ZNF568: variants seen among roughly 807,000 people sequenced by gnomAD.
ZNF568 encodes p53 inhibitor of SCO2 activation.
ZNF568 carries 11 observed loss-of-function variants against 18.1 expected under a neutral mutation model. The observed-to-expected ratio is 0.61, with a 90% CI of 0.38 to 1.00. ZNF568 has a LOEUF of 1.00. Ranked by LOEUF, ZNF568 falls within the 50% of genes least tolerant of loss-of-function variation. The pLI is 0.01. For missense variants in ZNF568, 639 were observed against 768.2 expected, an observed-to-expected ratio of 0.83 and a Z score of 1.99; for synonymous variants, 213 against 246.6, an observed-to-expected ratio of 0.86 and a Z score of 1.28.
rs768864048 is a variant in ZNF568, at chr19:36,950,210, G to A, written c.1057G>A (p.Glu353Lys). The change falls in exon 7 of 7, where the codon GAG becomes AAG. Residue 353 changes from glutamate (E) to lysine (K), a missense_variant. Physicochemically the swap from Glu to Lys is moderately conservative, Grantham distance 56 (BLOSUM62 1). Coordinates refer to ENST00000333987, the MANE Select transcript of ZNF568 (RefSeq NM_198539.4). ...CCAGAAGCAAAATCTTATTGAGCACGAGAAAATTCATACTGGGGAGAAACC... is the reference window on the plus strand; with the variant it reads ...CCAGAAGCAAAATCTTATTGAGCACAAGAAAATTCATACTGGGGAGAAACC... Reference protein sequence around the residue: ...FSQKQNLIEHEKIHTGEKPYA... With the variant: ...FSQKQNLIEHKKIHTGEKPYA... The A allele has an allele frequency of 1.1e-5, 18 of 1,612,856 alleles. No homozygotes were observed. Among genetic ancestry groups the A allele is most frequent in the East Asian group, 2.2e-5 (1 of 44,776 alleles).
intron 4 of ZNF568, among the ~76,000 whole-genome samples, chr19:36,933,144 CT>C (rs371143411): frequency 1.3e-4 from 18 of 134,824 alleles, no homozygotes; most frequent in Non-Finnish European, 1.7e-4. Flanking sequence ...ATTCTGAGAC[CT>C]TTTTTTTTTT....
intron 2 of ZNF568, among the ~76,000 whole-genome samples, chr19:36,919,651 G>A (rs1347377395): frequency 3.3e-5 from 5 of 152,128 alleles, no homozygotes; most frequent in Non-Finnish European, 7.3e-5. Flanking sequence ...ACTTCCTGCT[G>A]TGTGGCCTGG....
rs11403152 is a variant in ZNF568, at chr19:36,961,880, G to GTT, written c.359-12526_359-12525dup. ...TATCATATTGTTAATTGGTTAGGGT[G>GTT]TTTTTTTTTTTTTTTGAGACTTCTG... On this transcript the variant is annotated intron_variant, in intron 6 of 7. Transcript: ENST00000427117. Among the ~76,000 whole-genome samples, 560 of 134,998 alleles carry GTT rather than the reference G, an allele frequency of 4.1e-3. 6 individuals carry two copies. Among genetic ancestry groups the GTT allele is most frequent in the East Asian group, 0.026 (121 of 4,714 alleles). The allele number at this position is 134,998 out of a possible 152,430, so 88.6% of individuals were successfully genotyped here.
intron 6 of ZNF568, among the ~76,000 whole-genome samples, chr19:36,957,932 G>T (rs1370009786): frequency 6.6e-6 from 1 of 152,158 alleles, no homozygotes. Context: ...GCCTTATTGA[G>T]TTGAGGAAGT....
intron 2 of ZNF568, 51 bp from the exon 3 acceptor site, chr19:36,922,535 G>A (rs1568378562): frequency 2.6e-6 from 1 of 377,508 alleles, no homozygotes; most frequent in Non-Finnish European, 4.8e-6. Context: ...GTTATCACAG[G>A]GAGCCAGTGA....
chr19:36,994,049 T>G (rs953293415), intron 4 of ZNF568, among the ~76,000 whole-genome samples: 17 of 151,820 alleles, frequency 1.1e-4, no homozygotes, highest in Non-Finnish European at 2.4e-4. Context: ...AATATAGGTG[T>G]TTTTAGCTGT....
At chr19:36,985,937 AT>A (rs1461337243) in intron 2 of ZNF568, among the ~76,000 whole-genome samples, 1 of 152,030 alleles carries the variant, frequency 6.6e-6, no homozygotes, top group African/African-American at 2.4e-5. Flanking sequence ...GTGCTGCTTT[AT>A]TTTTGACTCA....
At chr19:36,927,898 TATA>T (rs2073605077) in intron 4 of ZNF568, among the ~76,000 whole-genome samples, 1 of 35,302 alleles carries the variant, frequency 2.8e-5, no homozygotes, top group African/African-American at 1.4e-4. Flanking sequence ...TATATATATA[TATA>T]TATTTTTTTT....
At chr19:36,975,037 G>A (rs904414704) in intron 7 of ZNF568, among the ~76,000 whole-genome samples, 5 of 151,188 alleles carry the variant, frequency 3.3e-5, no homozygotes, top group Admixed American at 6.6e-5. Context: ...ATCTTGCCCA[G>A]GCTGATCTCG....
rs1491387376 is a variant in ZNF568, at chr19:36,952,055, T to TTTC, written c.*967_*968insTTC. 2.1e-5 allele frequency: 20 copies of TTTC among 951,742 alleles called. No homozygotes were observed. Among genetic ancestry groups the TTTC allele is most frequent in the Non-Finnish European group, 2.5e-5 (20 of 807,476 alleles). 59.0% of individuals were successfully genotyped at this position (951,742 alleles called of 1,614,324 possible). Reference sequence around the variant, plus strand: ...CCAAGGAGCTTTTTTTTTTTTTTTTTCAAGACAAAAGGACTCTGTAATTCC... The same window carrying TTTC: ...CCAAGGAGCTTTTTTTTTTTTTTTTTTTCCAAGACAAAAGGACTCTGTAATTCC... On this transcript the variant is annotated 3_prime_UTR_variant, in exon 7 of 7. Transcript: ENST00000333987.
At chr19:36,974,396 C>A in intron 6 of ZNF568, 1 of 1,535,504 alleles carries the variant, frequency 6.5e-7, no homozygotes, top group Non-Finnish European at 8.7e-7. Context: ...GGCTTCTTAA[C>A]GTTTTTCCAC....
intron 4 of ZNF568, 100 bp downstream of exon 4, chr19:36,925,358 A>G: frequency 9.1e-7 from 1 of 1,095,768 alleles, no homozygotes; most frequent in Non-Finnish European, 1.3e-6. Context: ...AAATTGATGA[A>G]AATAAAAGTG....
chr19:36,930,249 G>A (rs1164757433), intron 4 of ZNF568, among the ~76,000 whole-genome samples: 3 of 144,098 alleles, frequency 2.1e-5, no homozygotes, highest in Non-Finnish European at 3.0e-5. Context: ...TCGCTCTGTC[G>A]CCCAGGCTGG....
chr19:36,986,655 G>A (rs1417038663), intron 2 of ZNF568, among the ~76,000 whole-genome samples: 1 of 152,106 alleles, frequency 6.6e-6, no homozygotes, highest in Non-Finnish European at 1.5e-5. Context: ...AGCTTTTTAA[G>A]AGGAAATGCA....
At chr19:36,988,815 A>G (rs1600858349) in intron 2 of ZNF568, among the ~76,000 whole-genome samples, 1 of 152,316 alleles carries the variant, frequency 6.6e-6, no homozygotes, top group Non-Finnish European at 1.5e-5. Flanking sequence ...TAGTTAGTGT[A>G]TCTATCACCT....
intron 4 of ZNF568, chr19:36,991,901 T>C (rs78428491): frequency 1.4e-6 from 2 of 1,425,656 alleles, no homozygotes; most frequent in Non-Finnish European, 9.5e-7. Context: ...ACTTAGCTCA[T>C]CTGTGAGAAG....
chr19:36,929,544 G>A (rs2073645301), intron 4 of ZNF568, among the ~76,000 whole-genome samples: 1 of 152,044 alleles, frequency 6.6e-6, no homozygotes, highest in Non-Finnish European at 1.5e-5. Context: ...AATTAGCCGG[G>A]TGTGGTCGTA....
At chr19:36,942,521 C>T (rs1312277063) in intron 6 of ZNF568, among the ~76,000 whole-genome samples, 1 of 149,614 alleles carries the variant, frequency 6.7e-6, no homozygotes, top group African/African-American at 2.5e-5. Flanking sequence ...ATGGCGTGAA[C>T]CCAGGAGGCA....
chr19:36,984,891 G>A (rs2074363011), downstream of ZNF568, among the ~76,000 whole-genome samples: 1 of 151,644 alleles, frequency 6.6e-6, no homozygotes, highest in Non-Finnish European at 1.5e-5. Flanking sequence ...CTGCAGTTTT[G>A]GTGTGATTGT....
Sources: gnomAD v4.1 joint callset for allele counts (sites outside exome capture counted in the v4.1 genomes callset) on GRCh38, gnomAD v4.1.1 for gene constraint, MANE v1.5 for transcripts, NCBI Gene and HGNC (gene_info 2026-07-23, HGNC 2026-07-21) for gene names.